The following YLPM1 variants were observed in gnomAD, a reference collection of about 807,000 sequenced individuals.
YLPM1 encodes YLP motif containing 1, also known as YLP motif-containing protein 1.
Under a neutral mutation model 230.0 loss-of-function variants are expected in YLPM1, and 99 were observed. The observed-to-expected ratio is 0.43, with a 90% confidence interval of 0.37 to 0.51. YLPM1 has a LOEUF of 0.51. Among genes scored for constraint, YLPM1 ranks in the 20% least tolerant of loss-of-function variants. The probability of loss-of-function intolerance (pLI) is 0.00; values close to 1 mark genes in which losing one functional copy is unlikely to be tolerated. For missense variants in YLPM1, 2,592 were observed against 2,707.7 expected (o/e 0.96, Z 0.95); for synonymous variants, 984 against 942.5 (o/e 1.04, Z -0.81).
In YLPM1 at chr14:74,781,460, G is replaced by A; in HGVS notation, c.1417G>A (p.Asp473Asn). The A allele has an allele frequency of 6.2e-7, 1 of 1,613,072 alleles. No homozygotes were observed. Among genetic ancestry groups the A allele is most frequent in the Non-Finnish European group, 8.5e-7 (1 of 1,179,452 alleles). The change falls in exon 4 of 21, where the codon GAT (aspartate) becomes AAT (asparagine). Residue 473 changes from aspartate (D) to asparagine (N), a missense_variant. Asp to Asn is a conservative substitution (Grantham distance 23, BLOSUM62 1). Coordinates refer to ENST00000325680, the MANE Select transcript of YLPM1 (RefSeq NM_019589.3). Reference sequence around the variant, plus strand: ...ACAACTCCATTCCTATCCTCATAAAGATCAGCTTCAGGAGTATGAGAAGCA... The same window carrying A: ...ACAACTCCATTCCTATCCTCATAAAAATCAGCTTCAGGAGTATGAGAAGCA... The part of the protein sequence containing the change: ...EEQLHSYPHK[D>N]QLQEYEKQWK...
intron 1 of YLPM1, among the ~76,000 whole-genome samples, chr14:74,768,551 T>C (rs2090937669): frequency 6.6e-6 from 1 of 152,224 alleles, no homozygotes; most frequent in South Asian, 2.1e-4. Flanking sequence ...CCGGTCGGAA[T>C]GTGTCTTTTT....
chr14:74,829,771 A>G (rs2091593844), intron 19 of YLPM1, among the ~76,000 whole-genome samples: 1 of 152,216 alleles, frequency 6.6e-6, no homozygotes, highest in South Asian at 2.1e-4. Flanking sequence ...TTAGTGAGAG[A>G]GAAAACTGGG....
At chr14:74,770,444 T>C (rs1321901737) in intron 1 of YLPM1, among the ~76,000 whole-genome samples, 1 of 151,722 alleles carries the variant, frequency 6.6e-6, no homozygotes, top group Non-Finnish European at 1.5e-5. Context: ...GCCAACATGG[T>C]GAAATTCTGT....
chr14:74,817,143 G>A, intron 14 of YLPM1, 36 bp downstream of exon 14: 1 of 1,596,894 alleles, frequency 6.3e-7, no homozygotes. Context: ...ACTTTGTGTT[G>A]TCATGTAAAT....
intron 1 of YLPM1, among the ~76,000 whole-genome samples, chr14:74,777,460 G>A (rs964100611): frequency 2.0e-5 from 3 of 151,692 alleles, no homozygotes; most frequent in African/African-American, 4.8e-5. Flanking sequence ...CCAGCTACTC[G>A]GGAAGCTGAG....
intron 4 of YLPM1, among the ~76,000 whole-genome samples, chr14:74,783,050 A>G (rs189135643): frequency 3.3e-5 from 5 of 152,252 alleles, no homozygotes; most frequent in Admixed American, 2.0e-4. Context: ...GACCTAAATG[A>G]TAACTTTTCT....
rs1350772872 is a variant in YLPM1 at position 74,809,895 on chromosome 14, G to A, written c.4940-15G>A. 5.0e-6 allele frequency: 8 copies of A among 1,604,480 alleles called. No homozygotes were observed. The highest frequency in any genetic ancestry group is 6.8e-6 in the Non-Finnish European group (8 of 1,175,754). On this transcript the variant is annotated splice_polypyrimidine_tract_variant and intron_variant, in intron 7 of 20. Transcript: ENST00000325680. The stretch of plus-strand genomic sequence containing the variant: ...TTCACTCTTACAGTACTTTATCTCT[G>A]ATTTTGTTTACCAGATATATCCACT...
chr14:74,789,701 C>T (rs944601713), intron 4 of YLPM1, among the ~76,000 whole-genome samples: 1 of 149,968 alleles, frequency 6.7e-6, no homozygotes, highest in Non-Finnish European at 1.5e-5. Context: ...GATCACAACT[C>T]ATTACAACTT....
intron 1 of YLPM1, among the ~76,000 whole-genome samples, chr14:74,775,355 A>C (rs2140079864): frequency 6.6e-6 from 1 of 152,346 alleles, no homozygotes; most frequent in Admixed American, 6.5e-5. Flanking sequence ...AGTGAAAAGT[A>C]GGTAACAAAT....
At chr14:74,810,197 A>C (rs774450162) in intron 8 of YLPM1, 28 bp from the exon 9 acceptor site, 1 of 1,602,622 alleles carries the variant, frequency 6.2e-7, no homozygotes. Flanking sequence ...AAAGGGATAT[A>C]GTTATTTTGT....
chr14:74,796,097 G>C (rs952409085), intron 4 of YLPM1, among the ~76,000 whole-genome samples: 1 of 152,206 alleles, frequency 6.6e-6, no homozygotes. Context: ...TCTTGTCTGG[G>C]GGGCCTTGTG....
Position 74,764,063 on chromosome 14 carries a change from T to A in YLPM1, c.574T>A (p.Ser192Thr). The change falls in exon 1 of 21, where the codon TCG (serine) becomes ACG (threonine). Residue 192 changes from serine (S) to threonine (T), a missense_variant. This residue lies in a region of YLPM1 where 1,862 missense variants were observed against 1,819.8 expected (regional missense o/e 1.02). Transcript: ENST00000325680. The stretch of plus-strand genomic sequence containing the variant: ...CCTGCCTCCTGCTCAGCCGTCCCCT[T>A]CGCAGTCCCCACCTTCCCAATCCTA... ...PYLPPAQPSP[S>T]QSPPSQSYLA... 6.2e-7 allele frequency: 1 copy of A among 1,610,422 alleles called. No individual in the cohort carries two copies. Among genetic ancestry groups the A allele is most frequent in the Non-Finnish European group, 8.5e-7 (1 of 1,178,914 alleles).
At position 74,815,737 on chromosome 14, in the gene YLPM1, G is replaced by T. The variant is rs564524317; in HGVS notation, c.5503-466G>T. 1.7e-4 allele frequency among the ~76,000 whole-genome samples: 26 copies of T among 152,150 alleles called. 1 individual carries two copies. In the South Asian group the frequency reaches 4.4e-3, roughly 26 times the overall value. On this transcript the variant is annotated intron_variant, in intron 11 of 20. Coordinates refer to ENST00000325680, the MANE Select transcript of YLPM1 (RefSeq NM_019589.3). ...CTTTTTCAAGTGTCTTAAAGTGGATGGTTAAGTTATTGATTTGAGACCTAT... is the reference window on the plus strand; with the variant it reads ...CTTTTTCAAGTGTCTTAAAGTGGATTGTTAAGTTATTGATTTGAGACCTAT...
intron 9 of YLPM1, 111 bp from the exon 10 acceptor site, chr14:74,811,509 T>C (rs1183734633): frequency 1.4e-6 from 1 of 706,690 alleles, no homozygotes; most frequent in East Asian, 3.0e-5. Context: ...ACATTTACTG[T>C]GTGGAGTACC....
rs927294531 is a variant in YLPM1, at chr14:74,763,531, TCCGCCGCCACCGGTCCCA to T, written c.51_68del (p.Pro20_Val25del). ...GCCGGTATGGCGGGAGCAGCCACTA[TCCGCCGCCACCGGTCCCA>T]CCGCCGCCGCCAGTGGCGCTTCCTG... On this transcript the variant is annotated inframe_deletion, in exon 1 of 21. Transcript: ENST00000325680. The T allele has an allele frequency of 3.0e-5, 46 of 1,512,026 alleles. No individual in the cohort carries two copies. The highest frequency in any genetic ancestry group is 4.1e-5 in the Non-Finnish European group (46 of 1,127,706). 93.7% of individuals were successfully genotyped at this position (1,512,026 alleles called of 1,614,324 possible).
Position 74,835,246 on chromosome 14 carries a change from A to C in YLPM1, c.6295-19A>C, listed in dbSNP as rs749216509. 1.2e-6 allele frequency: 2 copies of C among 1,612,890 alleles called. No homozygotes were observed. Among genetic ancestry groups the C allele is most frequent in the East Asian group, 4.5e-5 (2 of 44,844 alleles). On this transcript the variant is annotated intron_variant, in intron 19 of 20. Coordinates refer to ENST00000325680, the MANE Select transcript of YLPM1 (RefSeq NM_019589.3). ...ATTTATTTTTCCTAAAGCTCAGCCT[A>C]ATGCTATGTTCTTTTTAGGTCAGAT... is the stretch of plus-strand genomic sequence containing the variant.
intron 4 of YLPM1, among the ~76,000 whole-genome samples, chr14:74,783,654 A>G (rs1169016247): frequency 1.3e-5 from 2 of 152,114 alleles, no homozygotes; most frequent in Non-Finnish European, 1.5e-5. Flanking sequence ...ATTTTTTTCA[A>G]CCTCATTTTA....
chr14:74,802,521 G>A, intron 5 of YLPM1, 35 bp from the exon 6 acceptor site: 1 of 1,582,154 alleles, frequency 6.3e-7, no homozygotes, highest in East Asian at 2.3e-5. Flanking sequence ...GAATAAGCAT[G>A]CTTTATGTAC....
In YLPM1 at chr14:74,837,159, G is replaced by A. The variant is rs924775186; in HGVS notation, c.*1421G>A. On this transcript the variant is annotated 3_prime_UTR_variant, in exon 21 of 21. Transcript: ENST00000325680. ...TTGGGTTCAACAAATTGATATTATA[G>A]TACTGAATACCCCTAATTTAATGGA... The A allele has an allele frequency of 2.0e-5, 3 of 152,142 alleles. No individual in the cohort carries two copies. The highest frequency in any genetic ancestry group is 7.2e-5 in the African/African-American group (3 of 41,418). 9.4% of individuals were successfully genotyped at this position (152,142 alleles called of 1,614,324 possible). A position where few individuals can be genotyped will look rare whatever the true frequency, so the allele number is the denominator to read the frequency against.
Sources: allele counts gnomAD v4.1 joint callset (sites outside exome capture counted in the v4.1 genomes callset), GRCh38; gene constraint gnomAD v4.1.1; regional missense constraint gnomAD v4.1.1; transcripts MANE v1.5; gene names NCBI Gene and HGNC (gene_info 2026-07-23, HGNC 2026-07-21).